TMEM236: variants seen among roughly 807,000 people sequenced by gnomAD.
TMEM236 encodes family with sequence similarity 23, member A.
TMEM236 carries 11 observed loss-of-function variants against 14.7 expected under a neutral mutation model. That is an observed-to-expected ratio of 0.75 (90% CI 0.47 to 1.24). The LOEUF (loss-of-function observed/expected upper bound fraction) is 1.24, where lower values mean the gene tolerates loss of function less well. Ranked by LOEUF, TMEM236 falls within the 50% of genes most tolerant of loss-of-function variation. TMEM236 has a pLI of 0.00. For missense variants in TMEM236, 464 were observed against 427.3 expected (o/e 1.09, Z -0.76); for synonymous variants, 182 against 168.6 (o/e 1.08, Z -0.62).
rs1218446527 is a variant in TMEM236, at chr10:17,797,284, T to G, written c.*780T>G. 2.7e-5 allele frequency: 4 copies of G among 150,534 alleles called. No homozygotes were observed. The highest frequency in any genetic ancestry group is 4.4e-5 in the Non-Finnish European group (3 of 67,978). The allele number at this position is 150,534 out of a possible 1,614,324, so 9.3% of individuals were successfully genotyped here. ...CACACTTGAAATTATTGAATAATTT[T>G]TAGGTTATACTTTTTTTTTTTTTTT... On this transcript the variant is annotated 3_prime_UTR_variant, in exon 4 of 4. Coordinates refer to ENST00000377495, the MANE Select transcript of TMEM236 (RefSeq NM_001098844.3).
At chr10:17,791,183 T>C (rs1837918309) in intron 3 of TMEM236, among the ~76,000 whole-genome samples, 1 of 151,948 alleles carries the variant, frequency 6.6e-6, no homozygotes, top group East Asian at 1.9e-4. Flanking sequence ...CAGTGGCCCA[T>C]GCCTGTAATT....
intron 1 of TMEM236, among the ~76,000 whole-genome samples, chr10:17,755,073 G>A (rs1837264605): frequency 6.6e-6 from 1 of 151,586 alleles, no homozygotes; most frequent in Non-Finnish European, 1.5e-5. Context: ...TGAGTTGCTG[G>A]GATTACAGGG....
chr10:17,785,747 G>C (rs896441875), intron 3 of TMEM236, among the ~76,000 whole-genome samples: 38 of 152,176 alleles, frequency 2.5e-4, no homozygotes, highest in African/African-American at 5.1e-4. Flanking sequence ...GACCAACCGG[G>C]GGGGGATATT....
intron 1 of TMEM236, among the ~76,000 whole-genome samples, chr10:17,766,369 T>C (rs551947053): frequency 2.0e-5 from 3 of 152,316 alleles, no homozygotes; most frequent in African/African-American, 7.2e-5. Context: ...TATAATATGT[T>C]CCTCATTTCC....
chr10:17,752,384 A>G lies in TMEM236; in HGVS notation c.89A>G (p.Gln30Arg). ...FSIPTLVITE[Q>R]FATAYQGTRA... ...ATCCCCACACTCGTGATCACAGAAC[A>G]GTTTGCCACCGCCTACCAAGGAACA... Residue 30 changes from glutamine to arginine, a missense_variant, in exon 1 of 4, where the codon CAG becomes CGG. Gln to Arg is a conservative substitution (Grantham distance 43). Transcript: ENST00000377495. The G allele has an allele frequency of 1.2e-6, 2 of 1,613,906 alleles. No individual in the cohort carries two copies. The highest frequency in any genetic ancestry group is 1.7e-4 in the Middle Eastern group (1 of 6,056).
chr10:17,794,711 T>A (rs1564602436), intron 3 of TMEM236, among the ~76,000 whole-genome samples: 1 of 152,156 alleles, frequency 6.6e-6, no homozygotes, highest in South Asian at 2.1e-4. Flanking sequence ...ATTCAGCATG[T>A]CACTCTTCAC....
rs1838022309 is a variant in TMEM236 at position 17,796,758 on chromosome 10, T to C, written c.*254T>C. 18 of 483,514 alleles carry C rather than the reference T, an allele frequency of 3.7e-5. No individual in the cohort carries two copies. Among genetic ancestry groups the C allele is most frequent in the South Asian group, 3.2e-4 (15 of 46,882 alleles). The allele number at this position is 483,514 out of a possible 1,614,324, so 30.0% of individuals were successfully genotyped here. On this transcript the variant is annotated 3_prime_UTR_variant, in exon 4 of 4. Transcript: ENST00000377495. ...GAAAATGTTAGCAGCTAATTTTAGT[T>C]AGTTATGTATACTGAGGTCCCCAAC...
At chr10:17,772,564 C>T (rs1837590349) in intron 2 of TMEM236, among the ~76,000 whole-genome samples, 2 of 152,264 alleles carry the variant, frequency 1.3e-5, no homozygotes, top group East Asian at 3.9e-4. Flanking sequence ...GATGTCTCTT[C>T]CATTGTTACA....
chr10:17,753,401 C>T (rs1026691444), intron 1 of TMEM236, among the ~76,000 whole-genome samples: 6 of 152,154 alleles, frequency 3.9e-5, no homozygotes, highest in Non-Finnish European at 7.3e-5. Flanking sequence ...TCCCTCCCAC[C>T]GTTCACCCTC....
intron 3 of TMEM236, among the ~76,000 whole-genome samples, chr10:17,788,079 T>C (rs1355735049): frequency 6.7e-6 from 1 of 150,278 alleles, no homozygotes; most frequent in East Asian, 1.9e-4. Context: ...ATATATATTA[T>C]AAAATAAATA....
Position 17,798,715 on chromosome 10 carries a change from A to C in TMEM236, c.*2211A>C, listed in dbSNP as rs1228509882. 1.9e-6 allele frequency: 1 copy of C among 534,202 alleles called. No homozygotes were observed. The highest frequency in any genetic ancestry group is 3.8e-6 in the Non-Finnish European group (1 of 259,832). The allele number at this position is 534,202 out of a possible 1,614,324, so 33.1% of individuals were successfully genotyped here. A position where few individuals can be genotyped will look rare whatever the true frequency, so the allele number is the denominator to read the frequency against. On this transcript the variant is annotated 3_prime_UTR_variant, in exon 4 of 4. Coordinates refer to ENST00000377495, the MANE Select transcript of TMEM236 (RefSeq NM_001098844.3). ...CTTTCTAATTTGAGGTAGGTTCTAT[A>C]ACCTCTGTGGGTCCCCGTTTCCACA...
chr10:17,752,334 G>A lies in TMEM236; in HGVS notation c.39G>A (p.Glu13=). 1 of 1,613,786 alleles carries A rather than the reference G, an allele frequency of 6.2e-7. No individual in the cohort carries two copies. The highest frequency in any genetic ancestry group is 1.1e-5 in the South Asian group (1 of 91,072). Reference sequence around the variant, plus strand: ...GGCTCATTAAGTTCGTGGTTTTTGAGCTCCTAGAGTTTGCCGCTTTCTCCA... The same window carrying A: ...GGCTCATTAAGTTCGTGGTTTTTGAACTCCTAGAGTTTGCCGCTTTCTCCA... The part of the protein sequence containing the change: ...SGRLIKFVVF[E]LLEFAAFSIP... Residue 13 remains glutamate (E), a synonymous_variant, in exon 1 of 4, where the codon GAG becomes GAA. Transcript: ENST00000377495.
At chr10:17,770,259 A>T (rs1396856930) in intron 1 of TMEM236, among the ~76,000 whole-genome samples, 1 of 152,252 alleles carries the variant, frequency 6.6e-6, no homozygotes. Flanking sequence ...AATTAACATA[A>T]TATATATTAA....
chr10:17,756,372 C>T (rs1473478095), intron 1 of TMEM236, among the ~76,000 whole-genome samples: 1 of 152,114 alleles, frequency 6.6e-6, no homozygotes. Flanking sequence ...TCTAGGCTCC[C>T]TGTACCTCTG....
chr10:17,759,023 A>C (rs1324877669), intron 1 of TMEM236, among the ~76,000 whole-genome samples: 1 of 152,238 alleles, frequency 6.6e-6, no homozygotes, highest in Non-Finnish European at 1.5e-5. Context: ...CAGAGAGCTT[A>C]AAATGTACTG....
rs989529870 is a variant in TMEM236 at position 17,791,723 on chromosome 10, C to A, written c.473-4198C>A. Among the ~76,000 whole-genome samples, 20 of 152,306 alleles carry A rather than the reference C, an allele frequency of 1.3e-4. No individual in the cohort carries two copies. The East Asian group carries it at 3.7e-3, about 28-fold the overall frequency. On this transcript the variant is annotated intron_variant, in intron 3 of 3. Transcript: ENST00000377495. ...ATTCTTCACTGAATCAATTCCTACT[C>A]ATTCTTACTATCTCTGCTTAACTGT...
At chr10:17,758,053 G>A (rs1209148421) in intron 1 of TMEM236, among the ~76,000 whole-genome samples, 1 of 152,150 alleles carries the variant, frequency 6.6e-6, no homozygotes, top group Non-Finnish European at 1.5e-5. Flanking sequence ...ACAGGCGTAA[G>A]CCACCAGGTG....
intron 2 of TMEM236, among the ~76,000 whole-genome samples, chr10:17,775,528 C>A (rs1176027758): frequency 6.6e-6 from 1 of 152,234 alleles, no homozygotes; most frequent in Non-Finnish European, 1.5e-5. Context: ...CCCACCTCAG[C>A]CCCGCAAAGT....
At chr10:17,769,020 C>T (rs1589143807) in intron 1 of TMEM236, among the ~76,000 whole-genome samples, 1 of 152,146 alleles carries the variant, frequency 6.6e-6, no homozygotes, top group East Asian at 1.9e-4. Context: ...CCACAAAACT[C>T]TTTCATCTTG....
Sources: allele counts gnomAD v4.1 joint callset (sites outside exome capture counted in the v4.1 genomes callset), GRCh38; gene constraint gnomAD v4.1.1; transcripts MANE v1.5; gene names NCBI Gene and HGNC (gene_info 2026-07-23, HGNC 2026-07-21).